ENOX1: variants seen among roughly 807,000 people sequenced by gnomAD.
ENOX1 encodes candidate growth-related and time keeping constitutive hydroquinone (NADH) oxidase.
In ENOX1, 42 loss-of-function variants were observed where a neutral mutation model predicts 82.5. The observed-to-expected ratio is 0.51, with a 90% CI of 0.40 to 0.66. ENOX1 has a LOEUF of 0.66. Among genes scored for constraint, ENOX1 ranks in the 30% least tolerant of loss-of-function variants. ENOX1 has a pLI of 0.00. For synonymous variants in ENOX1, 271 were observed against 282.2 expected (o/e 0.96, Z 0.40); for missense variants, 608 against 811.6 (o/e 0.75, Z 3.05).
Position 43,614,542 on chromosome 13 carries a change from C to CTTTTTT in ENOX1, c.-219+52931_-219+52936dup, listed in dbSNP as rs9316046. On this transcript the variant is annotated intron_variant, in intron 2 of 16. Transcript: ENST00000690772. ...ATAAACATTTCCCCAAAATAAAGGG[C>CTTTTTT]TTTTTTTTTTTTTTTTAGCACTTGC... 7.6e-4 allele frequency among the ~76,000 whole-genome samples: 99 copies of CTTTTTT among 129,820 alleles called. 3 individuals carry two copies. Among genetic ancestry groups the CTTTTTT allele is most frequent in the Admixed American group, 2.2e-3 (27 of 12,078 alleles). 85.2% of individuals were successfully genotyped at this position (129,820 alleles called of 152,430 possible). A position where few individuals can be genotyped will look rare whatever the true frequency, so the allele number is the denominator to read the frequency against.
At chr13:43,432,017 C>T (rs541592623) in intron 3 of ENOX1, among the ~76,000 whole-genome samples, 1 of 152,288 alleles carries the variant, frequency 6.6e-6, no homozygotes, top group African/African-American at 2.4e-5. Context: ...CCATCCTACG[C>T]CTGTTTATTC....
intron 1 of ENOX1, among the ~76,000 whole-genome samples, chr13:43,778,765 C>G (rs1952071852): frequency 6.8e-6 from 1 of 147,226 alleles, no homozygotes. Context: ...TGTAAAAAGC[C>G]TAAGATTATA....
rs2153447084 is a variant in ENOX1, at chr13:43,214,116, A to C, written c.1806T>G (p.Ser602=). The C allele has an allele frequency of 1.2e-6, 2 of 1,612,916 alleles. No homozygotes were observed. Among genetic ancestry groups the C allele is most frequent in the East Asian group, 4.5e-5 (2 of 44,830 alleles). Residue 602 remains serine (S), a synonymous_variant, in exon 17 of 17, where the codon TCT becomes TCG. Transcript: ENST00000690772. ...SYMQQLDSKI[S]ANEIEMLLMR... ...TCAAAAGCATTTCTATTTCATTTGC[A>C]GATATCTGTTAGAAAGGAAGGAAAG...
At chr13:43,380,504 T>A (rs1204330335) in intron 5 of ENOX1, among the ~76,000 whole-genome samples, 1 of 151,370 alleles carries the variant, frequency 6.6e-6, no homozygotes, top group African/African-American at 2.4e-5. Flanking sequence ...AAAATTGGAA[T>A]AAAAAACAGA....
At chr13:43,591,978 C>A (rs202162516) in intron 2 of ENOX1, among the ~76,000 whole-genome samples, 1 of 151,806 alleles carries the variant, frequency 6.6e-6, no homozygotes, top group East Asian at 1.9e-4. Flanking sequence ...CGACTCAGCT[C>A]CACAATGGGG....
intron 2 of ENOX1, among the ~76,000 whole-genome samples, chr13:43,655,985 T>C (rs936404574): frequency 8.9e-4 from 135 of 152,346 alleles, no homozygotes; most frequent in African/African-American, 3.2e-3. Context: ...GAGTAATCAC[T>C]GTCTTGACCT....
chr13:43,452,671 C>T (rs552579790), intron 3 of ENOX1, among the ~76,000 whole-genome samples: 13 of 152,048 alleles, frequency 8.5e-5, no homozygotes, highest in East Asian at 1.9e-4. Context: ...TACAGGTGCC[C>T]GCCACCACAC....
intron 2 of ENOX1, among the ~76,000 whole-genome samples, chr13:43,594,492 T>C (rs530631986): frequency 6.6e-6 from 1 of 152,348 alleles, no homozygotes; most frequent in East Asian, 1.9e-4. Flanking sequence ...TAATTAGTTA[T>C]TTTGTTTAAG....
At chr13:43,550,708 C>G (rs1400244516) in intron 2 of ENOX1, among the ~76,000 whole-genome samples, 3 of 152,128 alleles carry the variant, frequency 2.0e-5, no homozygotes, top group South Asian at 4.1e-4. Flanking sequence ...AGTAATTTTC[C>G]CATGATAATG....
At chr13:43,726,140 T>A (rs2088935515) in intron 1 of ENOX1, among the ~76,000 whole-genome samples, 1 of 150,650 alleles carries the variant, frequency 6.6e-6, no homozygotes, top group Admixed American at 6.6e-5. Flanking sequence ...AAAACATAAA[T>A]CCACAATAAA....
chr13:43,470,377 C>CACATATATATATGTATATATATGT (rs1555290142), intron 3 of ENOX1, among the ~76,000 whole-genome samples: 1 of 27,038 alleles, frequency 3.7e-5, no homozygotes. Context: ...TATATATATA[C>CACATATATATATGTATATATATGT]ATATATATAC....
intron 3 of ENOX1, among the ~76,000 whole-genome samples, chr13:43,452,485 G>A (rs2057020567): frequency 1.3e-5 from 2 of 152,134 alleles, no homozygotes; most frequent in African/African-American, 4.8e-5. Context: ...ATTCCATGGT[G>A]TATATGTGCC....
chr13:43,525,993 G>A (rs186117379), intron 2 of ENOX1, among the ~76,000 whole-genome samples: 5 of 151,928 alleles, frequency 3.3e-5, no homozygotes, highest in African/African-American at 7.2e-5. Context: ...TATCCATAAC[G>A]GTTTCTACTT....
chr13:43,637,909 C>T (rs1194359623), intron 2 of ENOX1, among the ~76,000 whole-genome samples: 2 of 152,078 alleles, frequency 1.3e-5, no homozygotes, highest in Non-Finnish European at 2.9e-5. Flanking sequence ...CATCCTCATC[C>T]GGCAATAGGA....
At position 43,743,028 on chromosome 13, in the gene ENOX1, G is replaced by A. The variant is rs73482060; in HGVS notation, c.-285+43624C>T. Among the ~76,000 whole-genome samples the A allele has an allele frequency of 6.8e-3, 1,041 of 152,244 alleles. 14 individuals carry two copies. The highest frequency in any genetic ancestry group is 0.024 in the African/African-American group (1,010 of 41,548). On this transcript the variant is annotated intron_variant, in intron 1 of 16. Transcript: ENST00000690772. ...GGGCACATAGATGGCACTAGTTAAT[G>A]TTCCTTTACAGTGAAAGAGGCTGTT... is the stretch of plus-strand genomic sequence containing the variant.
chr13:43,362,156 T>TACACACAC (rs10531058), intron 5 of ENOX1, among the ~76,000 whole-genome samples: 1,750 of 145,792 alleles, frequency 0.012, 37 homozygotes, highest in African/African-American at 0.042. Context: ...TGCCCTGTAT[T>TACACACAC]ACACACACAC....
intron 2 of ENOX1, among the ~76,000 whole-genome samples, chr13:43,490,362 G>A (rs2076578962): frequency 1.3e-5 from 2 of 152,310 alleles, no homozygotes; most frequent in African/African-American, 2.4e-5. Context: ...GGATTTAGAT[G>A]AGACTCTGGA....
intron 1 of ENOX1, among the ~76,000 whole-genome samples, chr13:43,752,567 G>C (rs1950378623): frequency 6.6e-6 from 1 of 152,094 alleles, no homozygotes; most frequent in African/African-American, 2.4e-5. Context: ...ATAAAATATG[G>C]TTTGATGTTC....
chr13:43,551,891 C>T (rs1306375581), intron 2 of ENOX1, among the ~76,000 whole-genome samples: 1 of 152,164 alleles, frequency 6.6e-6, no homozygotes, highest in Non-Finnish European at 1.5e-5. Context: ...AATCTTTACG[C>T]AGGCCTTAAT....
Sources: allele counts gnomAD v4.1 joint callset (sites outside exome capture counted in the v4.1 genomes callset), GRCh38; gene constraint gnomAD v4.1.1; transcripts MANE v1.5; gene names NCBI Gene and HGNC (gene_info 2026-07-23, HGNC 2026-07-21).